NFATC3: variants seen among roughly 807,000 people sequenced by gnomAD.
NFATC3 encodes the protein nuclear factor of activated T cells 3.
NFATC3 carries 46 observed loss-of-function variants against 98.6 expected under a neutral mutation model. The observed-to-expected ratio is 0.47, with a 90% CI of 0.37 to 0.60. The LOEUF (loss-of-function observed/expected upper bound fraction) is 0.60. NFATC3 is among the 20% of genes least tolerant of loss of function. The probability of loss-of-function intolerance (pLI) is 0.00; values close to 1 mark genes in which losing one functional copy is unlikely to be tolerated. For synonymous variants in NFATC3, 512 were observed against 472.2 expected (o/e 1.08, Z -1.09); for missense variants, 1,256 against 1,295.5 (o/e 0.97, Z 0.47).
chr16:68,103,374 A>T (rs2151466368), intron 1 of NFATC3, among the ~76,000 whole-genome samples: 1 of 151,980 alleles, frequency 6.6e-6, no homozygotes, highest in East Asian at 1.9e-4. Flanking sequence ...ATGCCCAGCT[A>T]AGTTTTGTAT....
chr16:68,146,347 A>G (rs1238822838), intron 3 of NFATC3, among the ~76,000 whole-genome samples: 1 of 152,032 alleles, frequency 6.6e-6, no homozygotes, highest in Non-Finnish European at 1.5e-5. Context: ...CAAGAGGATC[A>G]CTGCTTGAGC....
intron 1 of NFATC3, chr16:68,089,032 G>A (rs921495227): frequency 1.0e-6 from 1 of 985,416 alleles, no homozygotes; most frequent in Non-Finnish European, 1.2e-6. Context: ...CTCTTTCGTG[G>A]TAGAGGAAAT....
chr16:68,086,014 T>G, intron 1 of NFATC3: 1 of 431,816 alleles, frequency 2.3e-6, no homozygotes, highest in Non-Finnish European at 4.1e-6. Flanking sequence ...AGTGGGGAAC[T>G]CGACTCCGGG....
At chr16:68,214,619 T>A (rs2041560192) in intron 9 of NFATC3, among the ~76,000 whole-genome samples, 1 of 152,206 alleles carries the variant, frequency 6.6e-6, no homozygotes, top group African/African-American at 2.4e-5. Flanking sequence ...ACACTCAGGC[T>A]CTTACACTTG....
At chr16:68,125,725 TTTGTTTTAAAAA>T (rs1317651447) in intron 2 of NFATC3, among the ~76,000 whole-genome samples, 1 of 152,188 alleles carries the variant, frequency 6.6e-6, no homozygotes, top group South Asian at 2.1e-4. Context: ...AATGTGCCTC[TTTGTTTTAAAAA>T]AATCAAATTA....
At position 68,206,530 on chromosome 16, in the gene NFATC3, C is replaced by T. The variant is rs986810230; in HGVS notation, c.3106+14755C>T. Among the ~76,000 whole-genome samples, 12 of 152,226 alleles carry T rather than the reference C, an allele frequency of 7.9e-5. No homozygotes were observed. The South Asian group carries it at 1.9e-3, about 24-fold the overall frequency. On this transcript the variant is annotated intron_variant, in intron 9 of 9. Transcript: ENST00000346183. Reference sequence around the variant, plus strand: ...TTTTTGTCTGGCTTATTTCACTTAGCATAATGTTTTCAAGGCTCATCCATA... The same window carrying T: ...TTTTTGTCTGGCTTATTTCACTTAGTATAATGTTTTCAAGGCTCATCCATA...
chr16:68,153,884 G>A (rs539684042), intron 3 of NFATC3, among the ~76,000 whole-genome samples: 57 of 151,902 alleles, frequency 3.8e-4, no homozygotes, highest in African/African-American at 1.1e-3. Flanking sequence ...AAGTGCTTGG[G>A]ATTACAGGTG....
intron 7 of NFATC3, among the ~76,000 whole-genome samples, chr16:68,182,018 G>A (rs2039969548): frequency 6.6e-6 from 1 of 152,162 alleles, no homozygotes; most frequent in African/African-American, 2.4e-5. Flanking sequence ...ACCAGTTAGT[G>A]TCTTCTTTTC....
At chr16:68,124,408 G>A (rs1029587388) in intron 2 of NFATC3, among the ~76,000 whole-genome samples, 2 of 147,534 alleles carry the variant, frequency 1.4e-5, no homozygotes, top group African/African-American at 5.0e-5. Context: ...CACTGTGCCC[G>A]GCCAGGGGTT....
At chr16:68,212,850 C>T (rs1426252136) in intron 9 of NFATC3, among the ~76,000 whole-genome samples, 2 of 132,974 alleles carry the variant, frequency 1.5e-5, no homozygotes, top group Non-Finnish European at 3.1e-5. Context: ...AGTGCAGTGG[C>T]GTGATCTTGG....
intron 1 of NFATC3, among the ~76,000 whole-genome samples, chr16:68,087,619 G>A (rs1015384244): frequency 1.3e-5 from 2 of 152,130 alleles, no homozygotes; most frequent in African/African-American, 4.8e-5. Flanking sequence ...TGCATTCAGT[G>A]TTGTGCAGCT....
At chr16:68,148,446 A>G (rs1355794521) in intron 3 of NFATC3, among the ~76,000 whole-genome samples, 1 of 152,202 alleles carries the variant, frequency 6.6e-6, no homozygotes, top group Non-Finnish European at 1.5e-5. Flanking sequence ...GAGAATACTG[A>G]TAGATTTCTT....
chr16:68,147,423 A>G (rs1341071861), intron 3 of NFATC3, among the ~76,000 whole-genome samples: 1 of 152,194 alleles, frequency 6.6e-6, no homozygotes, highest in African/African-American at 2.4e-5. Context: ...GACTAACTTC[A>G]TGAGTTATTT....
At chr16:68,160,580 T>TG in intron 4 of NFATC3, among the ~76,000 whole-genome samples, 1 of 152,214 alleles carries the variant, frequency 6.6e-6, no homozygotes, top group Non-Finnish European at 1.5e-5. Flanking sequence ...TTGCCTGCTT[T>TG]GGTTCAGATG....
intron 9 of NFATC3, among the ~76,000 whole-genome samples, chr16:68,203,127 A>T (rs1193937555): frequency 6.6e-6 from 1 of 152,196 alleles, no homozygotes; most frequent in African/African-American, 2.4e-5. Context: ...CATGATGGGG[A>T]TTCAAGACCT....
At chr16:68,220,935 T>C (rs2041842816) in intron 9 of NFATC3, among the ~76,000 whole-genome samples, 1 of 151,002 alleles carries the variant, frequency 6.6e-6, no homozygotes, top group Non-Finnish European at 1.5e-5. Flanking sequence ...AAAAAAAAAA[T>C]TGTCACTTTG....
At chr16:68,121,492 G>A (rs2036579843) in intron 1 of NFATC3, among the ~76,000 whole-genome samples, 1 of 151,384 alleles carries the variant, frequency 6.6e-6, no homozygotes, top group African/African-American at 2.4e-5. Flanking sequence ...ACAAAGCAAG[G>A]CCCTGTGTCT....
At chr16:68,180,658 AC>A (rs2039914040) in intron 6 of NFATC3, among the ~76,000 whole-genome samples, 1 of 151,382 alleles carries the variant, frequency 6.6e-6, no homozygotes, top group Admixed American at 6.6e-5. Flanking sequence ...ACTTTCCCCC[AC>A]CCCACGACAG....
intron 2 of NFATC3, among the ~76,000 whole-genome samples, chr16:68,125,078 T>C (rs1253579080): frequency 6.6e-6 from 1 of 152,234 alleles, no homozygotes; most frequent in Admixed American, 6.5e-5. Context: ...TCCTGATCTT[T>C]AGAAAAATAG....
Sources: gnomAD v4.1 joint callset for allele counts (sites outside exome capture counted in the v4.1 genomes callset) on GRCh38, gnomAD v4.1.1 for gene constraint, MANE v1.5 for transcripts, NCBI Gene and HGNC (gene_info 2026-07-23, HGNC 2026-07-21) for gene names.